DSCAM: variants seen among roughly 807,000 people sequenced by gnomAD.
The protein encoded by DSCAM is cell adhesion molecule DSCAM.
A neutral mutation model predicts 217.7 loss-of-function variants in DSCAM; 47 were observed. The observed-to-expected ratio is 0.22, with a 90% CI of 0.17 to 0.28. DSCAM has a LOEUF of 0.28. Among genes scored for constraint, DSCAM ranks in the 10% least tolerant of loss-of-function variants. The pLI is 1.00. For synonymous variants in DSCAM, 1,056 were observed against 1,015.3 expected (o/e 1.04, Z -0.76); for missense variants, 2,080 against 2,618.3 (o/e 0.79, Z 4.49).
At chr21:40,519,329 C>A (rs2076340166) in intron 3 of DSCAM, among the ~76,000 whole-genome samples, 1 of 151,992 alleles carries the variant, frequency 6.6e-6, no homozygotes, top group South Asian at 2.1e-4. Flanking sequence ...CAATTGAGAA[C>A]CTTATGAAAA....
chr21:40,468,398 G>T (rs2075861903), intron 3 of DSCAM, among the ~76,000 whole-genome samples: 1 of 152,164 alleles, frequency 6.6e-6, no homozygotes, highest in Non-Finnish European at 1.5e-5. Context: ...AAGAGAAGGA[G>T]CGAGAAGAGA....
chr21:40,680,530 T>G (rs2090389268), intron 3 of DSCAM, among the ~76,000 whole-genome samples: 1 of 151,432 alleles, frequency 6.6e-6, no homozygotes, highest in South Asian at 2.1e-4. Context: ...TGAAACCACC[T>G]CTAAGAGCAC....
At chr21:40,040,202 T>C (rs2088719345) in intron 32 of DSCAM, among the ~76,000 whole-genome samples, 2 of 152,296 alleles carry the variant, frequency 1.3e-5, no homozygotes, top group South Asian at 4.1e-4. Context: ...GAACTTGCAT[T>C]GATTTAAGAG....
chr21:40,780,855 G>A (rs978137311), intron 1 of DSCAM, among the ~76,000 whole-genome samples: 42 of 152,002 alleles, frequency 2.8e-4, no homozygotes, highest in Admixed American at 1.3e-3. Context: ...TTTGTTATGG[G>A]ACCCTAGCAG....
chr21:40,183,860 G>C (rs2090865654), intron 14 of DSCAM, among the ~76,000 whole-genome samples: 1 of 152,148 alleles, frequency 6.6e-6, no homozygotes, highest in African/African-American at 2.4e-5. Flanking sequence ...GAAAACTTTT[G>C]GGGGGATAAT....
At chr21:40,174,096 G>A (rs1352082997) in intron 15 of DSCAM, among the ~76,000 whole-genome samples, 2 of 152,042 alleles carry the variant, frequency 1.3e-5, no homozygotes, top group Admixed American at 6.6e-5. Flanking sequence ...GACACACTTC[G>A]GGTCCATTAA....
Position 40,078,622 on chromosome 21 carries a change from G to T in DSCAM, c.4711+65C>A, listed in dbSNP as rs149211648. 3.2e-6 allele frequency: 5 copies of T among 1,565,476 alleles called. No individual in the cohort carries two copies. In the African/African-American group the frequency reaches 4.0e-5, roughly 13 times the overall value. ...GCAAAGATGATGTTCGATGGGAAAG[G>T]GGCAGGGCCCACGTGCACATCCCCC... is the stretch of plus-strand genomic sequence containing the variant. On this transcript the variant is annotated intron_variant, in intron 26 of 32. Transcript: ENST00000400454.
chr21:40,567,031 A>C (rs942660445), intron 3 of DSCAM, among the ~76,000 whole-genome samples: 3 of 152,138 alleles, frequency 2.0e-5, no homozygotes, highest in Non-Finnish European at 4.4e-5. Flanking sequence ...TATTAAAGAC[A>C]CATAAGCAGG....
chr21:40,176,206 G>C (rs940146910), intron 15 of DSCAM, among the ~76,000 whole-genome samples: 2 of 152,130 alleles, frequency 1.3e-5, no homozygotes, highest in African/African-American at 2.4e-5. Context: ...GGAACTTGTA[G>C]TGCCTTCAAG....
intron 3 of DSCAM, among the ~76,000 whole-genome samples, chr21:40,658,350 T>C (rs996189710): frequency 2.0e-5 from 3 of 152,226 alleles, no homozygotes; most frequent in African/African-American, 7.2e-5. Flanking sequence ...TCTAGCTTTT[T>C]GTCAAGCCCT....
intron 11 of DSCAM, among the ~76,000 whole-genome samples, chr21:40,214,758 C>CA (rs1441798724): frequency 8.1e-6 from 1 of 124,022 alleles, no homozygotes; most frequent in Non-Finnish European, 1.8e-5. Context: ...AAAAACAAAA[C>CA]AAAAAACAAC....
At chr21:40,474,001 C>T (rs2075911912) in intron 3 of DSCAM, among the ~76,000 whole-genome samples, 1 of 152,186 alleles carries the variant, frequency 6.6e-6, no homozygotes, top group African/African-American at 2.4e-5. Flanking sequence ...ATCATCAAAA[C>T]AAAGGCAAGG....
intron 8 of DSCAM, among the ~76,000 whole-genome samples, chr21:40,314,461 T>C (rs754809652): frequency 1.8e-4 from 27 of 152,184 alleles, no homozygotes; most frequent in Non-Finnish European, 3.2e-4. Context: ...TTCTATCCAG[T>C]GCTGGTGGAG....
intron 2 of DSCAM, among the ~76,000 whole-genome samples, chr21:40,697,614 T>C (rs1315019587): frequency 6.6e-6 from 1 of 152,188 alleles, no homozygotes; most frequent in Admixed American, 6.5e-5. Context: ...TGTGTGTTCA[T>C]GGTACCTTTG....
intron 1 of DSCAM, among the ~76,000 whole-genome samples, chr21:40,818,480 A>T (rs995861034): frequency 3.0e-5 from 4 of 131,644 alleles, no homozygotes; most frequent in Admixed American, 9.6e-5. Context: ...CGGGAGGTGG[A>T]GCTTGCAGTG....
chr21:40,549,485 A>G (rs1039511000), intron 3 of DSCAM, among the ~76,000 whole-genome samples: 2 of 152,166 alleles, frequency 1.3e-5, no homozygotes, highest in African/African-American at 4.8e-5. Context: ...TGGTCCTTAC[A>G]CTACCTTCTC....
At chr21:40,137,624 CACACACACACACACACACACAT>C (rs1325647595) in intron 18 of DSCAM, among the ~76,000 whole-genome samples, 1 of 133,024 alleles carries the variant, frequency 7.5e-6, no homozygotes, top group Admixed American at 7.5e-5. Flanking sequence ...CACACACACA[CACACACACACACACACACACAT>C]TAACTGAAGT....
chr21:40,560,965 T>G (rs1190111269), intron 3 of DSCAM, among the ~76,000 whole-genome samples: 1 of 152,244 alleles, frequency 6.6e-6, no homozygotes, highest in Admixed American at 6.5e-5. Context: ...CATATGCTTA[T>G]GTAAAAATCC....
At chr21:40,236,661 T>C (rs1376195114) in intron 11 of DSCAM, among the ~76,000 whole-genome samples, 1 of 152,192 alleles carries the variant, frequency 6.6e-6, no homozygotes, top group African/African-American at 2.4e-5. Flanking sequence ...TAGGCATTAG[T>C]TCCCTCATCT....
Sources: allele counts gnomAD v4.1 joint callset (sites outside exome capture counted in the v4.1 genomes callset), GRCh38; gene constraint gnomAD v4.1.1; transcripts MANE v1.5; gene names NCBI Gene and HGNC (gene_info 2026-07-23, HGNC 2026-07-21).